The following SCLT1 variants were observed in gnomAD, a reference collection of about 807,000 sequenced individuals.
SCLT1 encodes sodium channel and clathrin linker 1.
A neutral mutation model predicts 112.8 loss-of-function variants in SCLT1; 78 were observed. The ratio of observed to expected loss-of-function variants is 0.69; its 90% CI spans 0.58 to 0.83. The LOEUF is 0.83. Among genes scored for constraint, SCLT1 ranks in the 40% least tolerant of loss-of-function variants. The pLI is 0.00. For missense variants in SCLT1, 747 were observed against 770.4 expected (o/e 0.97, Z 0.36); for synonymous variants, 257 against 254.7 (o/e 1.01, Z -0.09).
intron 2 of SCLT1, among the ~76,000 whole-genome samples, chr4:129,075,087 GTT>G (rs1386185072): frequency 1.3e-5 from 2 of 152,030 alleles, no homozygotes; most frequent in East Asian, 3.9e-4. Flanking sequence ...TTGTATTGTG[GTT>G]ATGTAAGCAA....
chr4:128,883,157 C>CAA (rs34993678), downstream of SCLT1, among the ~76,000 whole-genome samples: 244 of 57,662 alleles, frequency 4.2e-3, 1 homozygote, highest in African/African-American at 0.011. Context: ...ACAACAACAA[C>CAA]AAAAAAAAAA....
chr4:128,949,501 G>A (rs1738508326), intron 14 of SCLT1, among the ~76,000 whole-genome samples: 1 of 151,802 alleles, frequency 6.6e-6, no homozygotes, highest in Non-Finnish European at 1.5e-5. Context: ...TTAGCATTAG[G>A]TATATCTCCT....
intron 18 of SCLT1, among the ~76,000 whole-genome samples, chr4:128,918,016 C>T (rs948870083): frequency 6.6e-6 from 1 of 152,190 alleles, no homozygotes; most frequent in Non-Finnish European, 1.5e-5. Flanking sequence ...ACGTATTCTT[C>T]TGTGGCCACA....
At chr4:129,031,520 T>C (rs1446543485) in intron 5 of SCLT1, among the ~76,000 whole-genome samples, 1 of 152,128 alleles carries the variant, frequency 6.6e-6, no homozygotes, top group Non-Finnish European at 1.5e-5. Context: ...GGAAGTCAAA[T>C]TGTGTCTGTT....
intron 8 of SCLT1, among the ~76,000 whole-genome samples, chr4:128,994,927 TC>T (rs1252823033): frequency 6.6e-6 from 1 of 152,162 alleles, no homozygotes; most frequent in East Asian, 1.9e-4. Context: ...TGGAGATTAT[TC>T]CCTTATTGGA....
chr4:129,065,821 A>C (rs1222160070), intron 2 of SCLT1, among the ~76,000 whole-genome samples: 1 of 152,130 alleles, frequency 6.6e-6, no homozygotes, highest in Non-Finnish European at 1.5e-5. Flanking sequence ...CTAAATTAGC[A>C]ATTTCACAAC....
intron 4 of SCLT1, chr4:129,039,911 C>T (rs1355699410): frequency 1.5e-5 from 6 of 404,238 alleles, no homozygotes; most frequent in African/African-American, 9.3e-5. Flanking sequence ...CACACACACA[C>T]ACACACACAC....
chr4:129,081,464 C>A (rs1751930842), intron 2 of SCLT1, among the ~76,000 whole-genome samples: 1 of 152,158 alleles, frequency 6.6e-6, no homozygotes, highest in Admixed American at 6.5e-5. Flanking sequence ...ACAGGCTATA[C>A]AGGAAGCATG....
At chr4:128,992,131 TAAC>T in intron 9 of SCLT1, 33 bp downstream of exon 9, 1 of 1,372,954 alleles carries the variant, frequency 7.3e-7, no homozygotes, top group Non-Finnish European at 1.0e-6. Context: ...GAAAAATAAT[TAAC>T]AATGAAATAA....
At chr4:128,965,829 CTTT>C (rs34253075) in intron 10 of SCLT1, among the ~76,000 whole-genome samples, 5 of 123,822 alleles carry the variant, frequency 4.0e-5, no homozygotes, top group Non-Finnish European at 6.8e-5. Context: ...GATGCCATAA[CTTT>C]TTTTTTTTTT....
At chr4:129,001,573 T>C (rs1480150651) in intron 6 of SCLT1, among the ~76,000 whole-genome samples, 2 of 152,100 alleles carry the variant, frequency 1.3e-5, no homozygotes, top group Non-Finnish European at 2.9e-5. Flanking sequence ...ATTCATAAAA[T>C]CTATGTGGTG....
intron 2 of SCLT1, among the ~76,000 whole-genome samples, chr4:129,080,501 T>C (rs1056191437): frequency 6.6e-6 from 1 of 152,224 alleles, no homozygotes; most frequent in Non-Finnish European, 1.5e-5. Context: ...AGTCTCTTTC[T>C]ACAACATGGC....
chr4:128,891,221 T>C (rs1466598155), intron 18 of SCLT1, 84 bp from the exon 19 acceptor site: 2 of 1,010,192 alleles, frequency 2.0e-6, no homozygotes, highest in East Asian at 4.8e-5. Context: ...ATGTTCATGA[T>C]TTGAACAAAA....
At chr4:129,027,599 C>G (rs2126136333) in intron 5 of SCLT1, among the ~76,000 whole-genome samples, 1 of 152,190 alleles carries the variant, frequency 6.6e-6, no homozygotes, top group Non-Finnish European at 1.5e-5. Context: ...TGGAAGCATT[C>G]CCTTTGAAAA....
At chr4:128,928,433 G>T (rs1305745235) in intron 18 of SCLT1, among the ~76,000 whole-genome samples, 1 of 152,058 alleles carries the variant, frequency 6.6e-6, no homozygotes, top group Non-Finnish European at 1.5e-5. Flanking sequence ...TTTTGTCACA[G>T]GAATGAAAAT....
chr4:128,969,696 C>T (rs1347707749), intron 10 of SCLT1, among the ~76,000 whole-genome samples: 1 of 152,162 alleles, frequency 6.6e-6, no homozygotes, highest in Non-Finnish European at 1.5e-5. Context: ...GTTGGGAGAA[C>T]CATCAGGCCA....
At chr4:128,944,898 T>C (rs781572668) in intron 16 of SCLT1, 4 of 152,170 alleles carry the variant, frequency 2.6e-5, no homozygotes, top group Admixed American at 6.5e-5. Flanking sequence ...AGGACTCATA[T>C]TGGAAAGAAG....
intron 18 of SCLT1, among the ~76,000 whole-genome samples, chr4:128,894,985 G>C (rs1733627300): frequency 6.6e-6 from 1 of 152,096 alleles, no homozygotes; most frequent in South Asian, 2.1e-4. Context: ...GCTTCTCACT[G>C]TCTTAAATGC....
chr4:129,063,364 A>G (rs750803414), intron 2 of SCLT1, among the ~76,000 whole-genome samples: 36 of 152,358 alleles, frequency 2.4e-4, no homozygotes, highest in Non-Finnish European at 4.1e-4. Context: ...ACCTTCAGCC[A>G]TTACCGTTTA....
Sources: allele counts gnomAD v4.1 joint callset (sites outside exome capture counted in the v4.1 genomes callset), GRCh38; gene constraint gnomAD v4.1.1; transcripts MANE v1.5; gene names NCBI Gene and HGNC (gene_info 2026-07-23, HGNC 2026-07-21).